Variants in SRPK2 observed in about 807,000 individuals in gnomAD.
SRPK2 encodes the protein SRSF protein kinase 2, also known as SFRS protein kinase 2.
Under a neutral mutation model 90.8 loss-of-function variants are expected in SRPK2, and 21 were observed. That is an observed-to-expected ratio of 0.23 (90% CI 0.16 to 0.33). SRPK2 has a LOEUF of 0.33. Among genes scored for constraint, SRPK2 ranks in the 10% least tolerant of loss-of-function variants. The pLI is 1.00. For missense variants in SRPK2, 620 were observed against 869.0 expected (o/e 0.71, Z 3.60); for synonymous variants, 288 against 311.1 (o/e 0.93, Z 0.78).
chr7:105,383,549 T>C (rs1192038425), intron 2 of SRPK2, among the ~76,000 whole-genome samples: 1 of 151,544 alleles, frequency 6.6e-6, no homozygotes, highest in East Asian at 1.9e-4. Context: ...GCCTCCCGAG[T>C]AGCTGGAACT....
upstream of SRPK2, chr7:105,389,013 C>CG (rs1822022590): frequency 1.3e-5 from 13 of 987,066 alleles, no homozygotes; most frequent in Non-Finnish European, 1.6e-5. Context: ...CCGCCGGCCC[C>CG]GGGGGTCGGG....
Position 105,368,921 on chromosome 7 carries a change from AG to A in SRPK2, c.71+19726del, listed in dbSNP as rs368325997. ...AAAAAAAAAAGACTCAGGCTCCTTC[AG>A]TCCTTCATTTTTCCCTCAGTGAAAA... On this transcript the variant is annotated intron_variant, in intron 2 of 15. Transcript: ENST00000393651. Among the ~76,000 whole-genome samples the A allele has an allele frequency of 9.5e-5, 14 of 148,112 alleles. No homozygotes were observed. The East Asian group carries it at 2.4e-3, about 25-fold the overall frequency.
chr7:105,324,844 G>A (rs951147522), intron 2 of SRPK2, among the ~76,000 whole-genome samples: 7 of 152,170 alleles, frequency 4.6e-5, no homozygotes, highest in South Asian at 4.1e-4. Flanking sequence ...TCAAGATTGC[G>A]CCACTGCACT....
upstream of SRPK2, among the ~76,000 whole-genome samples, chr7:105,390,490 G>A (rs559658035): frequency 7.3e-5 from 11 of 151,686 alleles, no homozygotes; most frequent in South Asian, 6.2e-4. Context: ...GTGCAGTGGC[G>A]CAATCTCAGC....
intron 11 of SRPK2, among the ~76,000 whole-genome samples, chr7:105,140,077 T>G (rs1041800658): frequency 1.6e-4 from 24 of 152,188 alleles, no homozygotes; most frequent in African/African-American, 5.5e-4. Context: ...GTAAATGGTA[T>G]GTAAATAGTT....
upstream of SRPK2, among the ~76,000 whole-genome samples, chr7:105,391,186 T>TTATA (rs1485353484): frequency 6.4e-5 from 9 of 140,286 alleles, no homozygotes; most frequent in East Asian, 2.0e-3. Flanking sequence ...ACTATAAAAT[T>TTATA]TATTTATTTA....
intron 1 of SRPK2, among the ~76,000 whole-genome samples, chr7:105,396,770 AAG>A (rs1042529147): frequency 1.4e-5 from 2 of 140,456 alleles, no homozygotes; most frequent in African/African-American, 2.8e-5. Flanking sequence ...AAGAGAGAGA[AAG>A]AAAGAGAGAG....
chr7:105,213,870 G>C (rs1481416029), intron 2 of SRPK2, among the ~76,000 whole-genome samples: 2 of 152,104 alleles, frequency 1.3e-5, no homozygotes, highest in Non-Finnish European at 2.9e-5. Flanking sequence ...CTTTACACAA[G>C]CCTTCTGCAA....
intron 2 of SRPK2, among the ~76,000 whole-genome samples, chr7:105,313,322 C>T (rs990180926): frequency 8.6e-5 from 13 of 151,602 alleles, no homozygotes; most frequent in African/African-American, 2.7e-4. Context: ...TGATGCGCAC[C>T]TGTAATCCCA....
At chr7:105,245,922 T>C (rs913211782) in intron 2 of SRPK2, among the ~76,000 whole-genome samples, 4 of 151,992 alleles carry the variant, frequency 2.6e-5, no homozygotes, top group Non-Finnish European at 5.9e-5. Flanking sequence ...AGTGACAAAA[T>C]GTTAGGTCAC....
At chr7:105,145,720 C>T (rs1804516487) in intron 8 of SRPK2, among the ~76,000 whole-genome samples, 1 of 152,172 alleles carries the variant, frequency 6.6e-6, no homozygotes, top group African/African-American at 2.4e-5. Context: ...TGCAAGCTTT[C>T]TATAATTTAA....
intron 3 of SRPK2, among the ~76,000 whole-genome samples, chr7:105,173,922 GTT>G (rs67739776): frequency 0.014 from 1,659 of 122,764 alleles, 23 homozygotes; most frequent in African/African-American, 0.046. Flanking sequence ...GTGTGTTGGT[GTT>G]TTTTTTTTTT....
intron 2 of SRPK2, chr7:105,268,730 GA>G (rs202165729): frequency 2.9e-4 from 424 of 1,468,854 alleles, no homozygotes; most frequent in Middle Eastern, 7.1e-4. Flanking sequence ...AACTTGACAA[GA>G]AAAAAAAATA....
intron 3 of SRPK2, among the ~76,000 whole-genome samples, chr7:105,202,194 T>A (rs1252175404): frequency 6.6e-6 from 1 of 152,222 alleles, no homozygotes; most frequent in Admixed American, 6.5e-5. Flanking sequence ...TCCTACACTT[T>A]TGTAGTACAG....
downstream of SRPK2, among the ~76,000 whole-genome samples, chr7:105,114,789 T>G (rs1196502658): frequency 6.6e-6 from 1 of 152,164 alleles, no homozygotes; most frequent in Non-Finnish European, 1.5e-5. Context: ...AATTAGCTAA[T>G]GATGGTACAT....
At chr7:105,307,804 T>C (rs1811303769) in intron 2 of SRPK2, among the ~76,000 whole-genome samples, 1 of 152,228 alleles carries the variant, frequency 6.6e-6, no homozygotes, top group Non-Finnish European at 1.5e-5. Context: ...ACATACGCTT[T>C]ATCTTTTATA....
At chr7:105,172,104 G>C (rs1442075188) in intron 3 of SRPK2, among the ~76,000 whole-genome samples, 2 of 152,122 alleles carry the variant, frequency 1.3e-5, no homozygotes, top group Middle Eastern at 3.2e-3. Flanking sequence ...ATGTTGGTCA[G>C]GCTGGTCTCT....
chr7:105,278,636 AGACTGTACCACT>A (rs1374860128), intron 2 of SRPK2, among the ~76,000 whole-genome samples: 1 of 151,610 alleles, frequency 6.6e-6, no homozygotes, highest in Non-Finnish European at 1.5e-5. Flanking sequence ...TGGTGAGCTG[AGACTGTACCACT>A]GCACACCAGC....
chr7:105,310,832 A>C (rs1811625228), intron 2 of SRPK2, among the ~76,000 whole-genome samples: 1 of 152,164 alleles, frequency 6.6e-6, no homozygotes, highest in South Asian at 2.1e-4. Flanking sequence ...ATCTATTATA[A>C]GTCTACTCAA....
Sources: gnomAD v4.1 joint callset for allele counts (sites outside exome capture counted in the v4.1 genomes callset) on GRCh38, gnomAD v4.1.1 for gene constraint, MANE v1.5 for transcripts, NCBI Gene and HGNC (gene_info 2026-07-23, HGNC 2026-07-21) for gene names.